The following EVA1C variants were observed in gnomAD, a reference collection of about 807,000 sequenced individuals.
The protein encoded by EVA1C is protein eva-1 homolog C.
EVA1C carries 25 observed loss-of-function variants against 45.4 expected under a neutral mutation model. That is an observed-to-expected ratio of 0.55 (90% CI 0.40 to 0.77). EVA1C has a LOEUF of 0.77. EVA1C is among the 30% of genes least tolerant of loss of function. The pLI is 0.00. For missense variants in EVA1C, 479 were observed against 554.8 expected, an observed-to-expected ratio of 0.86 and a Z score of 1.37; for synonymous variants, 190 against 221.2, an observed-to-expected ratio of 0.86 and a Z score of 1.25.
At chr21:32,442,423 G>C (rs11909941) in intron 1 of EVA1C, among the ~76,000 whole-genome samples, 27,679 of 151,852 alleles carry the variant, frequency 0.18, 3,311 homozygotes, top group African/African-American at 0.33. Context: ...TGCCAGTCCT[G>C]AGCCCTTGGT....
chr21:32,512,025 C>T (rs1229294579), intron 7 of EVA1C, among the ~76,000 whole-genome samples: 1 of 152,036 alleles, frequency 6.6e-6, no homozygotes, highest in Non-Finnish European at 1.5e-5. Flanking sequence ...GTCTCCAACA[C>T]TACCTATAAT....
At chr21:32,499,122 A>C (rs149540436) in intron 5 of EVA1C, among the ~76,000 whole-genome samples, 1,708 of 152,230 alleles carry the variant, frequency 0.011, 38 homozygotes, top group African/African-American at 0.038. Flanking sequence ...TCCTCTACAA[A>C]ATTCTGATTC....
intron 5 of EVA1C, among the ~76,000 whole-genome samples, chr21:32,496,569 G>A (rs1419689235): frequency 6.6e-6 from 1 of 152,138 alleles, no homozygotes; most frequent in East Asian, 1.9e-4. Flanking sequence ...GGCCCATTTT[G>A]GCTGAGGTTC....
intron 4 of EVA1C, among the ~76,000 whole-genome samples, chr21:32,476,060 C>T (rs1374661454): frequency 1.3e-5 from 2 of 151,340 alleles, no homozygotes; most frequent in African/African-American, 2.4e-5. Flanking sequence ...CTTTCTTTGA[C>T]TGTGAATGAC....
rs2036472092 is a variant in EVA1C at position 32,474,034 on chromosome 21, T to C, written c.634+6186T>C. On this transcript the variant is annotated intron_variant, in intron 4 of 7. Transcript: ENST00000300255. This position sits in a 1 kb window ranked among gnomAD's most constrained non-coding sequence, Gnocchi z 4.4. Reference sequence around the variant, plus strand: ...CCTCCAACTCATGGGCTCAAGCAATTCTCTCACCTCAGCCTCCTGAGTAGC... The same window carrying C: ...CCTCCAACTCATGGGCTCAAGCAATCCTCTCACCTCAGCCTCCTGAGTAGC... 1.3e-6 allele frequency: 1 copy of C among 791,494 alleles called. No homozygotes were observed. Among genetic ancestry groups the C allele is most frequent in the Non-Finnish European group, 1.5e-6 (1 of 653,022 alleles). 49.0% of individuals were successfully genotyped at this position (791,494 alleles called of 1,614,324 possible). A position where few individuals can be genotyped will look rare whatever the true frequency, so the allele number is the denominator to read the frequency against.
chr21:32,475,463 CTTT>C (rs775162227), intron 4 of EVA1C, among the ~76,000 whole-genome samples: 2 of 127,208 alleles, frequency 1.6e-5, no homozygotes, highest in African/African-American at 2.9e-5. Flanking sequence ...AAAGTTCTTA[CTTT>C]TTTTTTTTTT....
At chr21:32,434,597 T>C (rs1276795633) in intron 1 of EVA1C, among the ~76,000 whole-genome samples, 3 of 32,680 alleles carry the variant, frequency 9.2e-5, no homozygotes, top group Non-Finnish European at 1.3e-4. Context: ...TCTCAAAAAA[T>C]AAATAAATAA....
chr21:32,412,962 T>G lies in EVA1C; in HGVS notation c.109T>G (p.Cys37Gly). The change falls in exon 1 of 8, where the codon TGC becomes GGC. Residue 37 changes from cysteine to glycine, a missense_variant. Transcript: ENST00000300255. ...GGGGCAGCTCCTGCGCCTCTTCTAC[T>G]GCACTGTCCTGGTCTGCTCCAAAGA... ...PPGQLLRLFY[C>G]TVLVCSKEIS... 1 of 1,560,848 alleles carries G rather than the reference T, an allele frequency of 6.4e-7. No homozygotes were observed. Among genetic ancestry groups the G allele is most frequent in the Non-Finnish European group, 8.7e-7 (1 of 1,155,824 alleles).
rs1359570727 is a variant in EVA1C at position 32,450,506 on chromosome 21, CCACA to C, written c.161-2805_161-2802del. Among the ~76,000 whole-genome samples the C allele has an allele frequency of 2.1e-3, 10 of 4,786 alleles. No individual in the cohort carries two copies. In the Admixed American group the frequency reaches 0.025, roughly 12 times the overall value. The allele number at this position is 4,786 out of a possible 152,430, so 3.1% of individuals were successfully genotyped here. ...GTCAGCTGCTTATTTATTCCCCGGA[CCACA>C]GTCCGGGAATGCTGGGGTGATGGAC... On this transcript the variant is annotated intron_variant, in intron 1 of 7. Transcript: ENST00000300255.
At chr21:32,450,483 C>T (rs1601296200) in intron 1 of EVA1C, among the ~76,000 whole-genome samples, 1 of 139,054 alleles carries the variant, frequency 7.2e-6, no homozygotes, top group South Asian at 2.5e-4. Context: ...GATGTGTGGT[C>T]AGCTGCTTAT....
At chr21:32,424,371 G>A (rs2146126314) in intron 1 of EVA1C, among the ~76,000 whole-genome samples, 1 of 152,166 alleles carries the variant, frequency 6.6e-6, no homozygotes, top group Non-Finnish European at 1.5e-5. Context: ...GGTGGAAATG[G>A]GAATGTATGA....
chr21:32,453,294 C>T lies in EVA1C; in HGVS notation c.161-18C>T, dbSNP rs1303947486. On this transcript the variant is annotated intron_variant, in intron 1 of 7. Coordinates refer to ENST00000300255, the MANE Select transcript of EVA1C (RefSeq NM_058187.5). ...GTGGGTTCCTGGGCCTCTAGTAACT[C>T]GACTGAATATTTTCCAGGTTACCTA... 12 of 1,578,370 alleles carry T rather than the reference C, an allele frequency of 7.6e-6. No individual in the cohort carries two copies. The highest frequency in any genetic ancestry group is 1.7e-5 in the Admixed American group (1 of 59,398).
At chr21:32,500,190 A>ATTTTT (rs538897939) in intron 5 of EVA1C, among the ~76,000 whole-genome samples, 15 of 91,096 alleles carry the variant, frequency 1.6e-4, no homozygotes, top group Non-Finnish European at 2.0e-4. Flanking sequence ...TAACCACCCT[A>ATTTTT]TTTTTTTTTT....
At chr21:32,419,544 A>G (rs147573893) in intron 1 of EVA1C, among the ~76,000 whole-genome samples, 294 of 152,226 alleles carry the variant, frequency 1.9e-3, no homozygotes, top group Admixed American at 3.0e-3. Flanking sequence ...GTGAAACCCC[A>G]TCTGTACTAA....
At position 32,515,075 on chromosome 21, in the gene EVA1C, T is replaced by C. The variant is rs768034931; in HGVS notation, c.1211T>C (p.Ile404Thr). The change falls in exon 8 of 8, where the codon ATA becomes ACA. Residue 404 changes from isoleucine to threonine, a missense_variant. Coordinates refer to ENST00000300255, the MANE Select transcript of EVA1C (RefSeq NM_058187.5). ...ACTTCATATCCTATATACAGTTCCA[T>C]AGAAGCTGCAGAGCTCGCAGAAAGG... Reference protein sequence around the residue: ...CRTSYPIYSSIEAAELAERIE... With the variant: ...CRTSYPIYSSTEAAELAERIE... 5 of 1,614,030 alleles carry C rather than the reference T, an allele frequency of 3.1e-6. No homozygotes were observed. The African/African-American group carries it at 5.3e-5, about 17-fold the overall frequency.
intron 1 of EVA1C, among the ~76,000 whole-genome samples, chr21:32,442,559 A>T (rs2035214720): frequency 6.6e-6 from 1 of 151,948 alleles, no homozygotes; most frequent in Non-Finnish European, 1.5e-5. Context: ...TTTCTGGAAA[A>T]AGACTTCAAA....
At chr21:32,502,024 CTTTCTTTCT>C (rs1224203142) in intron 6 of EVA1C, among the ~76,000 whole-genome samples, 9 of 132,374 alleles carry the variant, frequency 6.8e-5, no homozygotes, top group Admixed American at 5.5e-4. Flanking sequence ...TTCTTTCTTT[CTTTCTTTCT>C]TTCTTTCTTT....
chr21:32,505,383 G>C (rs1305872951), intron 7 of EVA1C, among the ~76,000 whole-genome samples: 2 of 152,070 alleles, frequency 1.3e-5, no homozygotes, highest in Non-Finnish European at 1.5e-5. Flanking sequence ...GATTTTTACT[G>C]TCAGAAATAT....
At chr21:32,513,098 A>G (rs1292643453) in intron 7 of EVA1C, among the ~76,000 whole-genome samples, 1 of 149,544 alleles carries the variant, frequency 6.7e-6, no homozygotes, top group Non-Finnish European at 1.5e-5. Flanking sequence ...TTGTTACTAT[A>G]TTATTGTAAG....
Sources: gnomAD v4.1 joint callset for allele counts (sites outside exome capture counted in the v4.1 genomes callset) on GRCh38, gnomAD v4.1.1 for gene constraint, Gnocchi (gnomAD v3.1) non-coding constraint, MANE v1.5 for transcripts, NCBI Gene and HGNC (gene_info 2026-07-23, HGNC 2026-07-21) for gene names.